The following FAM135A variants were observed in gnomAD, a reference collection of about 807,000 sequenced individuals.
FAM135A encodes family with sequence similarity 135 member A.
Under a neutral mutation model 146.8 loss-of-function variants are expected in FAM135A, and 79 were observed. The observed-to-expected ratio is 0.54, with a 90% CI of 0.45 to 0.65. The LOEUF (loss-of-function observed/expected upper bound fraction) is 0.65, where lower values mean the gene tolerates loss of function less well. FAM135A is among the 30% of genes least tolerant of loss of function. FAM135A has a pLI of 0.00. For missense variants in FAM135A, 1,623 were observed against 1,758.2 expected (o/e 0.92, Z 1.38); for synonymous variants, 562 against 603.6 (o/e 0.93, Z 1.01).
intron 4 of FAM135A, among the ~76,000 whole-genome samples, chr6:70,442,460 C>A (rs1774777687): frequency 2.0e-5 from 3 of 152,064 alleles, no homozygotes; most frequent in Middle Eastern, 3.2e-3. Context: ...GTAAAGTCCA[C>A]TATATTGAGA....
chr6:70,434,485 CA>C (rs1271271121), intron 4 of FAM135A, among the ~76,000 whole-genome samples: 1 of 152,012 alleles, frequency 6.6e-6, no homozygotes, highest in Non-Finnish European at 1.5e-5. Flanking sequence ...CTGCTTTCTT[CA>C]TTAAATTTTG....
chr6:70,520,872 C>G (rs1055239592), intron 12 of FAM135A, among the ~76,000 whole-genome samples: 3 of 152,146 alleles, frequency 2.0e-5, no homozygotes, highest in African/African-American at 7.2e-5. Context: ...TTAGAAAGAA[C>G]TTCATTTGGG....
chr6:70,473,549 G>A (rs1410739203), intron 5 of FAM135A, among the ~76,000 whole-genome samples: 1 of 152,080 alleles, frequency 6.6e-6, no homozygotes, highest in African/African-American at 2.4e-5. Context: ...TCCCTGATAG[G>A]TAAGGAAACT....
intron 4 of FAM135A, among the ~76,000 whole-genome samples, chr6:70,447,679 C>T (rs573065758): frequency 1.0e-3 from 154 of 152,288 alleles, no homozygotes; most frequent in Non-Finnish European, 1.7e-3. Context: ...TGGCGTTTCC[C>T]GAAATCGGGT....
At chr6:70,502,571 A>T in intron 11 of FAM135A, 65 bp from the exon 12 acceptor site, 1 of 1,505,820 alleles carries the variant, frequency 6.6e-7, no homozygotes, top group Non-Finnish European at 9.0e-7. Flanking sequence ...TCTCAATAAC[A>T]TTATATTTAA....
intron 4 of FAM135A, 107 bp from the exon 5 acceptor site, chr6:70,452,385 T>G: frequency 2.6e-6 from 2 of 783,146 alleles, no homozygotes; most frequent in East Asian, 2.9e-5. Context: ...GAGACTGATA[T>G]AATTAGGCCA....
At chr6:70,496,790 A>G (rs113724845) in intron 11 of FAM135A, among the ~76,000 whole-genome samples, 19,631 of 149,848 alleles carry the variant, frequency 0.13, 1,521 homozygotes, top group Middle Eastern at 0.18. Context: ...TTTTTTGGTC[A>G]GATTTGTCAA....
At chr6:70,540,764 A>G (rs886163609) in intron 20 of FAM135A, among the ~76,000 whole-genome samples, 16 of 152,050 alleles carry the variant, frequency 1.1e-4, no homozygotes, top group African/African-American at 3.9e-4. Context: ...TTGCAAATCT[A>G]TATTACTGTT....
chr6:70,555,488 G>A lies in FAM135A; in HGVS notation c.4229-1262G>A, dbSNP rs115498333. Among the ~76,000 whole-genome samples the A allele has an allele frequency of 5.5e-3, 842 of 152,134 alleles. 12 individuals are homozygous for A. The highest frequency in any genetic ancestry group is 0.018 in the African/African-American group (742 of 41,500). ...GGCTGGTCTCAAACTCTTGGGCTCAGGCAATTTTCCCCCCTCGACCTCCCA... is the reference window on the plus strand; with the variant it reads ...GGCTGGTCTCAAACTCTTGGGCTCAAGCAATTTTCCCCCCTCGACCTCCCA... On this transcript the variant is annotated intron_variant, in intron 20 of 21. Transcript: ENST00000418814.
At chr6:70,432,714 ATC>A (rs1562406491) in intron 4 of FAM135A, among the ~76,000 whole-genome samples, 4 of 151,852 alleles carry the variant, frequency 2.6e-5, no homozygotes, top group South Asian at 2.1e-4. Flanking sequence ...AATTGATTAT[ATC>A]TCTTTTTTCT....
In FAM135A at chr6:70,426,436, TA is replaced by T. The variant is rs1452230382; in HGVS notation, c.-133-2del. 23 of 152,170 alleles carry T rather than the reference TA, an allele frequency of 1.5e-4. No homozygotes were observed. The highest frequency in any genetic ancestry group is 9.2e-4 in the Admixed American group (14 of 15,280). 9.4% of individuals were successfully genotyped at this position (152,170 alleles called of 1,614,324 possible). A position where few individuals can be genotyped will look rare whatever the true frequency, so the allele number is the denominator to read the frequency against. On this transcript the variant is annotated splice_acceptor_variant, in intron 2 of 21. Transcript: ENST00000418814. LOFTEE classifies it low-confidence loss of function (5UTR_SPLICE). The stretch of plus-strand genomic sequence containing the variant: ...TTTGAGATGTTACTTTTTTTTCTCA[TA>T]GGGGGAACGGTGTATTTTTAACAAC...
At chr6:70,452,665 A>G (rs1777386018) in intron 5 of FAM135A, 94 bp downstream of exon 5, 2 of 759,158 alleles carry the variant, frequency 2.6e-6, no homozygotes. Context: ...GATACCTGTA[A>G]TGGTATAACA....
Position 70,559,867 on chromosome 6 carries a change from G to A in FAM135A, c.4494G>A (p.Ser1498=), listed in dbSNP as rs1428465686. The A allele has an allele frequency of 1.1e-5, 18 of 1,613,684 alleles. No homozygotes were observed. Among genetic ancestry groups the A allele is most frequent in the Admixed American group, 3.3e-5 (2 of 59,956 alleles). ...CTGCACATATAGCTGTTCTTGATTC[G>A]GAAATATTTTTAGAGAAATTCTTTC... is the stretch of plus-strand genomic sequence containing the variant. ...GRAAHIAVLD[S]EIFLEKFFLV... The change falls in exon 22 of 22, where the codon TCG becomes TCA. Residue 1498 remains serine (S), a synonymous_variant. Transcript: ENST00000418814.
At chr6:70,499,047 A>G (rs111450829) in intron 11 of FAM135A, among the ~76,000 whole-genome samples, 30,701 of 152,080 alleles carry the variant, frequency 0.2, 3,396 homozygotes, top group African/African-American at 0.29. Context: ...TGCCTGTCTC[A>G]TTGATCTGTC....
rs780925660 is a variant in FAM135A at position 70,525,378 on chromosome 6, C to A, written c.2294C>A (p.Ser765Tyr). 2 of 1,613,706 alleles carry A rather than the reference C, an allele frequency of 1.2e-6. No individual in the cohort carries two copies. Among genetic ancestry groups the A allele is most frequent in the Admixed American group, 1.7e-5 (1 of 59,996 alleles). ...LPDISATYAS[S>Y]RFSDSGVESE... ...GATATTAGTGCCACATATGCCTCAT[C>A]TAGATTTTCAGATTCAGGTGTTGAA... The change falls in exon 15 of 22, where the codon TCT (serine) becomes TAT (tyrosine). Residue 765 changes from serine (S) to tyrosine (Y), a missense_variant. Ser to Tyr is a moderately radical substitution (Grantham distance 144). This residue lies in a region of FAM135A where 1,061 missense variants were observed against 1,113.8 expected (regional missense o/e 0.95). Coordinates refer to ENST00000418814, the MANE Select transcript of FAM135A (RefSeq NM_001162529.3).
At chr6:70,504,622 A>C (rs986607328) in intron 12 of FAM135A, 3 of 152,196 alleles carry the variant, frequency 2.0e-5, no homozygotes, top group African/African-American at 4.8e-5. Flanking sequence ...TGGATTGAAG[A>C]TTTAAATGTG....
intron 12 of FAM135A, among the ~76,000 whole-genome samples, chr6:70,511,346 C>T (rs531236095): frequency 6.6e-6 from 1 of 151,808 alleles, no homozygotes; most frequent in Non-Finnish European, 1.5e-5. Flanking sequence ...TAAATATATT[C>T]AGCAGTTATC....
In FAM135A at chr6:70,482,330, AGT is replaced by A. The variant is rs1783885018; in HGVS notation, c.823+179_823+180del. On this transcript the variant is annotated intron_variant, in intron 10 of 21. Coordinates refer to ENST00000418814, the MANE Select transcript of FAM135A (RefSeq NM_001162529.3). ...TGATAATCACTTTTTGCAATTTAAA[AGT>A]GTTTTTCAGAATACTAAAAAATAAC... is the stretch of plus-strand genomic sequence containing the variant. Among the ~76,000 whole-genome samples the A allele has an allele frequency of 2.0e-5, 3 of 152,296 alleles. 1 individual carries two copies. The highest frequency in any genetic ancestry group is 6.5e-5 in the Admixed American group (1 of 15,276).
intron 5 of FAM135A, among the ~76,000 whole-genome samples, chr6:70,471,449 A>G (rs1463371425): frequency 1.3e-5 from 2 of 152,176 alleles, no homozygotes; most frequent in South Asian, 2.1e-4. Context: ...GGAGAGGTTG[A>G]TTGAAATTCA....
Sources: allele counts gnomAD v4.1 joint callset (sites outside exome capture counted in the v4.1 genomes callset), GRCh38; gene constraint gnomAD v4.1.1; regional missense constraint gnomAD v4.1.1; transcripts MANE v1.5; gene names NCBI Gene and HGNC (gene_info 2026-07-23, HGNC 2026-07-21).